COL9A1: variants seen among roughly 807,000 people sequenced by gnomAD.
COL9A1 encodes the protein collagen alpha-1(IX) chain.
In COL9A1, 104 loss-of-function variants were observed where a neutral mutation model predicts 142.6. The ratio of observed to expected loss-of-function variants is 0.73; its 90% CI spans 0.62 to 0.86. COL9A1 has a LOEUF of 0.86. Among genes scored for constraint, COL9A1 ranks in the 40% least tolerant of loss-of-function variants. The pLI, the probability that COL9A1 is intolerant of heterozygous loss-of-function variation, is 0.00. For synonymous variants in COL9A1, 466 were observed against 396.0 expected (o/e 1.18, Z -2.10); for missense variants, 1,210 against 1,176.6 (o/e 1.03, Z -0.42).
chr6:70,270,881 C>T (rs1583303118), intron 14 of COL9A1, among the ~76,000 whole-genome samples: 1 of 152,200 alleles, frequency 6.6e-6, no homozygotes, highest in East Asian at 1.9e-4. Flanking sequence ...GTCAGAAAAT[C>T]AAAGAAAGCT....
chr6:70,234,397 T>C, intron 35 of COL9A1, 142 bp downstream of exon 35: 2 of 816,790 alleles, frequency 2.4e-6, no homozygotes, highest in East Asian at 5.3e-5. Context: ...AAAAACAGAA[T>C]TGGCATTAAT....
chr6:70,281,522 A>G, intron 7 of COL9A1, 58 bp from the exon 8 acceptor site: 1 of 1,422,100 alleles, frequency 7.0e-7, no homozygotes, highest in Non-Finnish European at 9.7e-7. Context: ...GGAGCAACTG[A>G]GCGCGGTGCC....
chr6:70,217,070 G>A lies in COL9A1; in HGVS notation c.2593C>T (p.Pro865Ser), dbSNP rs1203477719. 4 of 1,614,022 alleles carry A rather than the reference G, an allele frequency of 2.5e-6. No individual in the cohort carries two copies. Among genetic ancestry groups the A allele is most frequent in the Admixed American group, 1.7e-5 (1 of 60,034 alleles). Reference sequence around the variant, plus strand: ...CGGCCATTTCTGCCATAGCTGGCAGGGCCTGGGTCACCTGAAACACACAGA... The same window carrying A: ...CGGCCATTTCTGCCATAGCTGGCAGAGCCTGGGTCACCTGAAACACACAGA... ...GAIGLPGDPG[P>S]ASYGRNGRDG... Residue 865 changes from proline (P) to serine (S), a missense_variant, in exon 38 of 38, where the codon CCT (proline) becomes TCT (serine). Transcript: ENST00000357250.
chr6:70,251,987 C>A (rs887628736), intron 28 of COL9A1, 133 bp downstream of exon 28: 4 of 948,712 alleles, frequency 4.2e-6, no homozygotes, highest in Admixed American at 1.7e-5. Context: ...AGCATTTCAT[C>A]TCCTTGTGTG....
chr6:70,229,438 C>T lies in COL9A1; in HGVS notation c.2503+3145G>A, dbSNP rs140710972. Among the ~76,000 whole-genome samples the T allele has an allele frequency of 2.5e-3, 381 of 152,124 alleles. 1 individual carries two copies. Among genetic ancestry groups the T allele is most frequent in the African/African-American group, 8.6e-3 (355 of 41,516 alleles). On this transcript the variant is annotated intron_variant, in intron 36 of 37. Coordinates refer to ENST00000357250, the MANE Select transcript of COL9A1 (RefSeq NM_001851.6). ...CAGCAGAAAAACAGCTCATTATGAA[C>T]GAGTGGAAATTCTCATTGCTCTATA...
Position 70,233,875 on chromosome 6 carries a change from G to A in COL9A1, c.2314+664C>T, listed in dbSNP as rs548186935. On this transcript the variant is annotated intron_variant, in intron 35 of 37. Coordinates refer to ENST00000357250, the MANE Select transcript of COL9A1 (RefSeq NM_001851.6). ...CACCAGAATACTGTAACTAGCTATG[G>A]GCTTCAGTGTTACAGAACTCCTCAG... Among the ~76,000 whole-genome samples, 83 of 152,250 alleles carry A rather than the reference G, an allele frequency of 5.5e-4. 1 individual carries two copies. Among genetic ancestry groups the A allele is most frequent in the African/African-American group, 1.9e-3 (81 of 41,552 alleles).
At chr6:70,274,555 T>C (rs1398066477) in intron 11 of COL9A1, among the ~76,000 whole-genome samples, 164 bp downstream of exon 11, 5 of 152,216 alleles carry the variant, frequency 3.3e-5, no homozygotes, top group African/African-American at 1.2e-4. Context: ...TTCCTTTTTA[T>C]GGCTGCATAG....
intron 36 of COL9A1, among the ~76,000 whole-genome samples, chr6:70,226,574 T>C (rs771526085): frequency 1.3e-5 from 2 of 152,002 alleles, no homozygotes; most frequent in Non-Finnish European, 2.9e-5. Context: ...AAATTTTATA[T>C]ATATTAACAC....
intron 10 of COL9A1, among the ~76,000 whole-genome samples, chr6:70,277,404 A>T (rs965030144): frequency 2.0e-5 from 3 of 152,258 alleles, no homozygotes; most frequent in African/African-American, 7.2e-5. Flanking sequence ...TATACAGACC[A>T]CACACATAAT....
intron 28 of COL9A1, among the ~76,000 whole-genome samples, chr6:70,247,656 A>G (rs956594410): frequency 6.6e-6 from 1 of 152,260 alleles, no homozygotes; most frequent in Non-Finnish European, 1.5e-5. Context: ...TTTTCATGTT[A>G]ACATTGAAAG....
intron 25 of COL9A1, among the ~76,000 whole-genome samples, chr6:70,253,841 G>T (rs701686): frequency 0.48 from 72,541 of 151,916 alleles, 17,677 homozygotes; most frequent in African/African-American, 0.52. Flanking sequence ...AGCTTTATAG[G>T]AGAAAAAGGA....
In COL9A1 at chr6:70,227,424, T is replaced by TAAAAAAAAAAAAAAAAAAAAAAAAAAAA. The variant is rs11407353; in HGVS notation, c.2504-1416_2504-1415insTTTTTTTTTTTTTTTTTTTTTTTTTTTT. Among the ~76,000 whole-genome samples the TAAAAAAAAAAAAAAAAAAAAAAAAAAAA allele has an allele frequency of 2.4e-4, 12 of 50,026 alleles. 1 individual carries two copies. The highest frequency in any genetic ancestry group is 1.3e-3 in the East Asian group (2 of 1,498). The allele number at this position is 50,026 out of a possible 152,430, so 32.8% of individuals were successfully genotyped here. On this transcript the variant is annotated intron_variant, in intron 36 of 37. Transcript: ENST00000357250. ...CTCATAACAAAATAAATGCAAATTG[T>TAAAAAAAAAAAAAAAAAAAAAAAAAAAA]AAAAAAAAAAAAAAAAAAAAAAAAG...
chr6:70,247,057 A>G (rs1770653068), intron 28 of COL9A1, among the ~76,000 whole-genome samples: 1 of 152,240 alleles, frequency 6.6e-6, no homozygotes, highest in South Asian at 2.1e-4. Flanking sequence ...GGTAATTACT[A>G]AAGAAATCGG....
chr6:70,233,325 G>A (rs1769675831), intron 35 of COL9A1, among the ~76,000 whole-genome samples: 1 of 152,138 alleles, frequency 6.6e-6, no homozygotes, highest in Non-Finnish European at 1.5e-5. Flanking sequence ...CTCCTTCTCA[G>A]AAGTTTTTTC....
chr6:70,300,406 T>A lies in COL9A1; in HGVS notation c.89-20A>T. On this transcript the variant is annotated intron_variant, in intron 2 of 37. Coordinates refer to ENST00000357250, the MANE Select transcript of COL9A1 (RefSeq NM_001851.6). ...GGAATCCTGCAAAAGAGATAGCATG[T>A]CATTCTACTTCATCCACTCTAACTT... is the stretch of plus-strand genomic sequence containing the variant. 1 of 1,334,456 alleles carries A rather than the reference T, an allele frequency of 7.5e-7. No individual in the cohort carries two copies. The highest frequency in any genetic ancestry group is 1.1e-6 in the Non-Finnish European group (1 of 925,558). The allele number at this position is 1,334,456 out of a possible 1,614,324, so 82.7% of individuals were successfully genotyped here.
intron 36 of COL9A1, among the ~76,000 whole-genome samples, chr6:70,228,605 A>G (rs1769372155): frequency 6.6e-6 from 1 of 152,168 alleles, no homozygotes; most frequent in Non-Finnish European, 1.5e-5. Context: ...AACAGAAAAA[A>G]TATCTGTATA....
At chr6:70,275,560 C>CTACTTACTT (rs1207403567) in intron 10 of COL9A1, among the ~76,000 whole-genome samples, 1 of 152,038 alleles carries the variant, frequency 6.6e-6, no homozygotes, top group African/African-American at 2.4e-5. Context: ...TTCCCTACTA[C>CTACTTACTT]TACTTACTTT....
intron 37 of COL9A1, among the ~76,000 whole-genome samples, chr6:70,223,562 T>G (rs911418150): frequency 3.3e-5 from 5 of 152,226 alleles, no homozygotes; most frequent in African/African-American, 1.2e-4. Flanking sequence ...AAAAAGCTCA[T>G]GTCAGGAACT....
intron 36 of COL9A1, among the ~76,000 whole-genome samples, chr6:70,230,412 G>A (rs1769471304): frequency 1.3e-5 from 2 of 152,184 alleles, no homozygotes; most frequent in South Asian, 4.1e-4. Flanking sequence ...GAAAGGGATG[G>A]AGGAGGGTAG....
Sources: gnomAD v4.1 joint callset for allele counts (sites outside exome capture counted in the v4.1 genomes callset) on GRCh38, gnomAD v4.1.1 for gene constraint, MANE v1.5 for transcripts, NCBI Gene and HGNC (gene_info 2026-07-23, HGNC 2026-07-21) for gene names.